Variants in LARP1 observed in about 807,000 individuals in gnomAD.
LARP1 encodes the protein La ribonucleoprotein 1, translational regulator.
LARP1 carries 36 observed loss-of-function variants against 122.7 expected under a neutral mutation model. The observed-to-expected ratio is 0.29, with a 90% CI of 0.22 to 0.39. The LOEUF is 0.39. Among genes scored for constraint, LARP1 ranks in the 10% least tolerant of loss-of-function variants. The probability of loss-of-function intolerance (pLI) is 1.00; values close to 1 mark genes in which losing one functional copy is unlikely to be tolerated. For missense variants in LARP1, 1,040 were observed against 1,403.6 expected (o/e 0.74, Z 4.14); for synonymous variants, 539 against 528.7 (o/e 1.02, Z -0.27).
intron 1 of LARP1, among the ~76,000 whole-genome samples, chr5:154,733,685 C>G (rs1248803132): frequency 2.6e-5 from 4 of 151,872 alleles, no homozygotes; most frequent in African/African-American, 9.7e-5. Flanking sequence ...GCCTTAGCCT[C>G]CTGCGTAGCT....
intron 1 of LARP1, among the ~76,000 whole-genome samples, chr5:154,777,035 A>C (rs1755949742): frequency 6.6e-6 from 1 of 152,220 alleles, no homozygotes; most frequent in African/African-American, 2.4e-5. Flanking sequence ...TGATTTTGTC[A>C]TCGTATGAAC....
At chr5:154,783,956 G>T (rs1490054997) in intron 1 of LARP1, among the ~76,000 whole-genome samples, 30 of 152,196 alleles carry the variant, frequency 2.0e-4, no homozygotes. Flanking sequence ...ACTGGTGAGT[G>T]TTGCATTCTG....
At chr5:154,785,144 C>A (rs12188498) in intron 1 of LARP1, among the ~76,000 whole-genome samples, 12,287 of 152,276 alleles carry the variant, frequency 0.081, 559 homozygotes, top group Admixed American at 0.15. Context: ...GTTTGGAAGC[C>A]TTCCTCTTTC....
intron 1 of LARP1, among the ~76,000 whole-genome samples, chr5:154,692,455 C>A (rs897403038): frequency 1.3e-5 from 2 of 152,112 alleles, no homozygotes; most frequent in Admixed American, 1.3e-4. Context: ...TTATAATTCT[C>A]AGCCCACATT....
Position 154,793,790 on chromosome 5 carries a change from C to T in LARP1, c.869-10C>T, listed in dbSNP as rs771582091. 1.2e-5 allele frequency: 20 copies of T among 1,614,052 alleles called. No individual in the cohort carries two copies. Among genetic ancestry groups the T allele is most frequent in the Non-Finnish European group, 1.5e-5 (18 of 1,180,012 alleles). On this transcript the variant is annotated splice_polypyrimidine_tract_variant and intron_variant, in intron 5 of 18. Transcript: ENST00000518297. ...CCCTCAGGCCTGACCTGGTACCCCT[C>T]TCCCCATAGGGTCTGAGTCTGCCAC...
chr5:154,808,642 G>A (rs1047310966), intron 16 of LARP1, 39 bp downstream of exon 16: 1 of 1,578,456 alleles, frequency 6.3e-7, no homozygotes, highest in Middle Eastern at 2.1e-4. Context: ...CTGGTGCTTA[G>A]GGATGATGTG....
chr5:154,763,803 T>C (rs1308589246), intron 1 of LARP1, among the ~76,000 whole-genome samples: 2 of 151,360 alleles, frequency 1.3e-5, no homozygotes, highest in African/African-American at 4.9e-5. Context: ...CCTGGAAGTT[T>C]GAGACCAGTC....
At chr5:154,714,121 C>T (rs550735536) in intron 1 of LARP1, among the ~76,000 whole-genome samples, 1 of 152,292 alleles carries the variant, frequency 6.6e-6, no homozygotes, top group South Asian at 2.1e-4. Context: ...GCTTGCCTAC[C>T]AGGATTGTTC....
intron 1 of LARP1, among the ~76,000 whole-genome samples, chr5:154,780,007 C>T (rs944284955): frequency 2.0e-5 from 3 of 152,138 alleles, no homozygotes; most frequent in Admixed American, 1.3e-4. Flanking sequence ...CTGAACTCAC[C>T]GAGAGAGGCA....
At chr5:154,683,161 G>T (rs1375575337) in intron 1 of LARP1, among the ~76,000 whole-genome samples, 2 of 152,212 alleles carry the variant, frequency 1.3e-5, no homozygotes, top group Non-Finnish European at 2.9e-5. Context: ...CGGGCGACGG[G>T]CCCCGGAAAG....
chr5:154,691,727 G>C (rs1381246670), intron 1 of LARP1, among the ~76,000 whole-genome samples: 3 of 151,868 alleles, frequency 2.0e-5, no homozygotes, highest in South Asian at 4.2e-4. Flanking sequence ...AGCGCTCCTC[G>C]GCAGCCCTCG....
chr5:154,795,051 G>A, intron 7 of LARP1, 124 bp from the exon 8 acceptor site: 6 of 880,918 alleles, frequency 6.8e-6, no homozygotes, highest in Non-Finnish European at 1.1e-5. Flanking sequence ...TGGTATATAG[G>A]ATAAGGATGG....
chr5:154,757,411 G>A (rs1204115655), intron 1 of LARP1: 1 of 151,716 alleles, frequency 6.6e-6, no homozygotes, highest in African/African-American at 2.4e-5. Flanking sequence ...GGGTGGGGGG[G>A]GCGCGCCCAC....
At chr5:154,807,833 C>T (rs1372018499) in intron 15 of LARP1, among the ~76,000 whole-genome samples, 5 of 152,176 alleles carry the variant, frequency 3.3e-5, no homozygotes, top group Non-Finnish European at 5.9e-5. Context: ...GAATTACAGA[C>T]GTGAGCAACC....
chr5:154,743,671 G>A (rs551494268), intron 1 of LARP1, among the ~76,000 whole-genome samples: 1 of 151,718 alleles, frequency 6.6e-6, no homozygotes, highest in South Asian at 2.1e-4. Flanking sequence ...CCAGGCTGGA[G>A]TATAGTGGCA....
At chr5:154,738,480 T>C (rs1008722163) in intron 1 of LARP1, among the ~76,000 whole-genome samples, 1 of 152,044 alleles carries the variant, frequency 6.6e-6, no homozygotes, top group Non-Finnish European at 1.5e-5. Flanking sequence ...TAATCCCAGC[T>C]ACTCTGGAGG....
intron 1 of LARP1, among the ~76,000 whole-genome samples, chr5:154,716,004 C>T (rs1755482616): frequency 1.3e-5 from 2 of 152,120 alleles, no homozygotes; most frequent in Admixed American, 6.5e-5. Flanking sequence ...CGAATCAGGT[C>T]TTTATATGTC....
chr5:154,812,524 C>A (rs1353208692), intron 18 of LARP1, among the ~76,000 whole-genome samples: 7 of 103,996 alleles, frequency 6.7e-5, no homozygotes, highest in South Asian at 4.2e-4. Flanking sequence ...CCCCACCCCC[C>A]CTTTTTTTTT....
At chr5:154,777,257 TCC>T (rs1166441320) in intron 1 of LARP1, among the ~76,000 whole-genome samples, 1 of 152,032 alleles carries the variant, frequency 6.6e-6, no homozygotes, top group Non-Finnish European at 1.5e-5. Context: ...TCCCAGCACT[TCC>T]CAGCACTTTG....
Sources: gnomAD v4.1 joint callset for allele counts (sites outside exome capture counted in the v4.1 genomes callset) on GRCh38, gnomAD v4.1.1 for gene constraint, MANE v1.5 for transcripts, NCBI Gene and HGNC (gene_info 2026-07-23, HGNC 2026-07-21) for gene names.